IFT57: variants seen among roughly 807,000 people sequenced by gnomAD.
The protein encoded by IFT57 is intraflagellar transport protein 57 homolog.
IFT57 carries 59 observed loss-of-function variants against 56.8 expected under a neutral mutation model. The ratio of observed to expected loss-of-function variants is 1.04; its 90% CI spans 0.84 to 1.29. The LOEUF (loss-of-function observed/expected upper bound fraction) is 1.29. Among genes scored for constraint, IFT57 ranks in the 50% most tolerant of loss-of-function variants. IFT57 has a pLI of 0.00. For missense variants in IFT57, 470 were observed against 522.1 expected, an observed-to-expected ratio of 0.90 and a Z score of 0.97; for synonymous variants, 209 against 186.1, an observed-to-expected ratio of 1.12 and a Z score of -1.00.
rs903350487 is a variant in IFT57 at position 108,161,479 on chromosome 3, T to C, written c.*998A>G. ...AAATAACTTTTTAAAATTATTTTTGTTGTCCTAAACATAAAGCATTCTTAT... is the reference window on the plus strand; with the variant it reads ...AAATAACTTTTTAAAATTATTTTTGCTGTCCTAAACATAAAGCATTCTTAT... On this transcript the variant is annotated 3_prime_UTR_variant, in exon 11 of 11. Transcript: ENST00000264538. 1 of 152,096 alleles carries C rather than the reference T, an allele frequency of 6.6e-6. No homozygotes were observed. 9.4% of individuals were successfully genotyped at this position (152,096 alleles called of 1,614,324 possible).
chr3:108,166,371 A>C (rs1217827757), intron 8 of IFT57, among the ~76,000 whole-genome samples: 1 of 151,992 alleles, frequency 6.6e-6, no homozygotes, highest in African/African-American at 2.4e-5. Flanking sequence ...AAGAATGAAA[A>C]ATTTGTCTCA....
intron 6 of IFT57, among the ~76,000 whole-genome samples, chr3:108,179,048 G>A (rs2080138734): frequency 6.6e-6 from 1 of 151,904 alleles, no homozygotes; most frequent in Non-Finnish European, 1.5e-5. Flanking sequence ...GATGCAGGAA[G>A]GATGAGACCT....
chr3:108,210,459 G>A (rs1056434140), intron 4 of IFT57, among the ~76,000 whole-genome samples: 2 of 149,962 alleles, frequency 1.3e-5, no homozygotes, highest in Admixed American at 6.7e-5. Flanking sequence ...TCAGTCTCCC[G>A]AGTAGCTGGG....
chr3:108,178,456 C>T (rs1486501752), intron 6 of IFT57, among the ~76,000 whole-genome samples: 2 of 151,866 alleles, frequency 1.3e-5, no homozygotes, highest in African/African-American at 4.8e-5. Flanking sequence ...AGTTAAGTCA[C>T]TGTTTATCAT....
chr3:108,187,689 C>T (rs777708291), intron 6 of IFT57, among the ~76,000 whole-genome samples: 9 of 151,418 alleles, frequency 5.9e-5, no homozygotes, highest in Non-Finnish European at 7.4e-5. Context: ...ATATTTGATC[C>T]AGAGCCAAAT....
chr3:108,219,256 A>G, intron 2 of IFT57, 154 bp downstream of exon 2: 1 of 615,314 alleles, frequency 1.6e-6, no homozygotes, highest in Non-Finnish European at 2.8e-6. Context: ...AGTGACATTA[A>G]CATTATAATG....
At chr3:108,172,125 A>C (rs370538332) in intron 6 of IFT57, among the ~76,000 whole-genome samples, 6 of 151,890 alleles carry the variant, frequency 4.0e-5, no homozygotes, top group African/African-American at 9.7e-5. Flanking sequence ...TATAACTACG[A>C]TAGTGTACAC....
chr3:108,219,653 A>T, intron 1 of IFT57, 81 bp from the exon 2 acceptor site: 2 of 1,392,172 alleles, frequency 1.4e-6, no homozygotes, highest in Non-Finnish European at 2.0e-6. Context: ...CCGAATTCAC[A>T]ATTGTCCAAC....
chr3:108,180,001 T>C, intron 6 of IFT57, among the ~76,000 whole-genome samples: 1 of 152,038 alleles, frequency 6.6e-6, no homozygotes. Flanking sequence ...TCCTCAGGGA[T>C]GTTCCTGCTT....
At chr3:108,169,620 T>C (rs1390828761) in intron 6 of IFT57, among the ~76,000 whole-genome samples, 1 of 152,030 alleles carries the variant, frequency 6.6e-6, no homozygotes, top group Non-Finnish European at 1.5e-5. Flanking sequence ...TGGTTTTAGG[T>C]TTTACATTTA....
At chr3:108,162,687 G>A (rs1276107344) in intron 10 of IFT57, 32 bp from the exon 11 acceptor site, 3 of 1,523,174 alleles carry the variant, frequency 2.0e-6, no homozygotes, top group African/African-American at 1.4e-5. Flanking sequence ...AAATAAAAAT[G>A]TTCATTTGGA....
chr3:108,198,264 A>C (rs2080256060), intron 5 of IFT57, among the ~76,000 whole-genome samples: 1 of 152,210 alleles, frequency 6.6e-6, no homozygotes, highest in Admixed American at 6.5e-5. Context: ...TCTCCAGTTC[A>C]TCACTTGTAT....
intron 6 of IFT57, among the ~76,000 whole-genome samples, chr3:108,185,940 T>C (rs2080179477): frequency 6.6e-6 from 1 of 152,100 alleles, no homozygotes; most frequent in African/African-American, 2.4e-5. Flanking sequence ...TTAAAGTTTT[T>C]TGATATCGGA....
At chr3:108,193,128 T>C (rs961647426) in intron 5 of IFT57, among the ~76,000 whole-genome samples, 1 of 152,176 alleles carries the variant, frequency 6.6e-6, no homozygotes, top group Non-Finnish European at 1.5e-5. Flanking sequence ...TCAATATATA[T>C]TTATGTCACT....
At chr3:108,163,511 G>A (rs929500529) in intron 10 of IFT57, 152 bp downstream of exon 10, 13 of 568,708 alleles carry the variant, frequency 2.3e-5, no homozygotes, top group Admixed American at 6.8e-5. Flanking sequence ...AAAACAGTAC[G>A]CTGATTATCA....
At chr3:108,197,261 T>G (rs2080249146) in intron 5 of IFT57, among the ~76,000 whole-genome samples, 1 of 152,218 alleles carries the variant, frequency 6.6e-6, no homozygotes, top group South Asian at 2.1e-4. Flanking sequence ...ATTCAGGCAC[T>G]GTGCTTGGTG....
chr3:108,173,871 A>G lies in IFT57; in HGVS notation c.778-6007T>C, dbSNP rs189247579. Reference sequence around the variant, plus strand: ...ATTAAAATGTTAAATTCATGTTCTCAAAAAATATTTAATGAACAGCAAACA... The same window carrying G: ...ATTAAAATGTTAAATTCATGTTCTCGAAAAATATTTAATGAACAGCAAACA... On this transcript the variant is annotated intron_variant, in intron 6 of 10. Transcript: ENST00000264538. 9.2e-4 allele frequency among the ~76,000 whole-genome samples: 137 copies of G among 148,840 alleles called. 2 individuals are homozygous for G. In the South Asian group the frequency reaches 0.016, roughly 18 times the overall value.
At chr3:108,163,834 G>A in intron 9 of IFT57, 105 bp from the exon 10 acceptor site, 2 of 651,292 alleles carry the variant, frequency 3.1e-6, no homozygotes, top group South Asian at 1.9e-5. Flanking sequence ...CACACATATA[G>A]AAAAATAAAG....
At chr3:108,189,006 A>G (rs1315342948) in intron 6 of IFT57, among the ~76,000 whole-genome samples, 1 of 152,192 alleles carries the variant, frequency 6.6e-6, no homozygotes, top group Non-Finnish European at 1.5e-5. Flanking sequence ...AATTATTTTA[A>G]CACATCATTA....
Sources: allele counts gnomAD v4.1 joint callset (sites outside exome capture counted in the v4.1 genomes callset), GRCh38; gene constraint gnomAD v4.1.1; transcripts MANE v1.5; gene names NCBI Gene and HGNC (gene_info 2026-07-23, HGNC 2026-07-21).